The following ZFHX3 variants were observed in gnomAD, a reference collection of about 807,000 sequenced individuals.
The protein encoded by ZFHX3 is zinc finger homeobox 3, also known as zinc finger homeobox protein 3.
ZFHX3 carries 42 observed loss-of-function variants against 279.1 expected under a neutral mutation model. The ratio of observed to expected loss-of-function variants is 0.15; its 90% confidence interval spans 0.12 to 0.19. The LOEUF (loss-of-function observed/expected upper bound fraction) is 0.19, where lower values mean the gene tolerates loss of function less well. ZFHX3 is among the 10% of genes least tolerant of loss of function. The pLI, the probability that ZFHX3 is intolerant of heterozygous loss-of-function variation, is 1.00. For missense variants in ZFHX3, 4,981 were observed against 4,754.0 expected (o/e 1.05, Z -1.40); for synonymous variants, 2,293 against 1,957.8 (o/e 1.17, Z -4.52).
chr16:73,493,892 C>T (rs1003322543), intron 2 of ZFHX3, among the ~76,000 whole-genome samples: 4 of 149,892 alleles, frequency 2.7e-5, no homozygotes, highest in East Asian at 1.9e-4. Flanking sequence ...CTAGAATGCA[C>T]GATAAAAAGC....
At chr16:73,181,937 TGAG>T (rs1243086180) in intron 5 of ZFHX3, among the ~76,000 whole-genome samples, 1 of 152,092 alleles carries the variant, frequency 6.6e-6, no homozygotes, top group Non-Finnish European at 1.5e-5. Flanking sequence ...TTCTTCACAC[TGAG>T]GAGAAGTTGG....
chr16:73,210,654 C>T (rs1567419273), intron 5 of ZFHX3, among the ~76,000 whole-genome samples: 1 of 151,768 alleles, frequency 6.6e-6, no homozygotes, highest in Non-Finnish European at 1.5e-5. Flanking sequence ...TTCAGCTAAC[C>T]CTAATAACCT....
chr16:73,126,315 C>T (rs910185083), intron 7 of ZFHX3, among the ~76,000 whole-genome samples: 5 of 152,068 alleles, frequency 3.3e-5, no homozygotes, highest in South Asian at 2.1e-4. Context: ...GAGGATACTG[C>T]AGAGGTCCAA....
At position 72,959,111 on chromosome 16, in the gene ZFHX3, T is replaced by C. The variant is rs771842309; in HGVS notation, c.1035A>G (p.Lys345=). Residue 345 remains lysine, a synonymous_variant, in exon 2 of 10, where the codon AAA becomes AAG. Transcript: ENST00000268489. ...PLVSFLEPKN[K]NFQHPLVSTA... ...TGGAAACTAAAGGGTGTTGAAAGTT[T>C]TTGTTTTTTGGTTCCAGAAAACTTA... 1.2e-6 allele frequency: 2 copies of C among 1,614,236 alleles called. No homozygotes were observed. Among genetic ancestry groups the C allele is most frequent in the South Asian group, 2.2e-5 (2 of 91,082 alleles).
intron 4 of ZFHX3, among the ~76,000 whole-genome samples, chr16:72,859,060 C>T (rs1177657954): frequency 1.3e-5 from 2 of 152,262 alleles, no homozygotes; most frequent in African/African-American, 2.4e-5. Context: ...TGCCCTCTGG[C>T]TTCTGTGCCT....
In ZFHX3 at chr16:72,958,962, A is replaced by AGAC. The variant is rs748770606; in HGVS notation, c.1183_1184insGTC (p.Leu394_Leu395insCys). 1 of 1,599,028 alleles carries AGAC rather than the reference A, an allele frequency of 6.3e-7. No individual in the cohort carries two copies. The highest frequency in any genetic ancestry group is 8.5e-7 in the Non-Finnish European group (1 of 1,172,862). ...AAGGTTCAACAGGGTGCTGGGGGTC[A>AGAC]AGAGACCAGCCTGGGGCTGCTCGGG... On this transcript the variant is annotated inframe_insertion, in exon 2 of 10. Coordinates refer to ENST00000268489, the MANE Select transcript of ZFHX3 (RefSeq NM_006885.4).
intron 1 of ZFHX3, chr16:73,005,912 T>G (rs1326715068): frequency 6.6e-6 from 1 of 152,262 alleles, no homozygotes; most frequent in Non-Finnish European, 1.5e-5. Flanking sequence ...ACATTTCTAT[T>G]TGATTCCATC....
At chr16:73,814,573 T>C in intron 1 of ZFHX3, among the ~76,000 whole-genome samples, 1 of 151,878 alleles carries the variant, frequency 6.6e-6, no homozygotes, top group East Asian at 1.9e-4. Flanking sequence ...CACAACTTTT[T>C]TTTTTTTTTT....
At chr16:73,645,834 C>T (rs2142160308) in intron 2 of ZFHX3, among the ~76,000 whole-genome samples, 1 of 152,242 alleles carries the variant, frequency 6.6e-6, no homozygotes, top group Middle Eastern at 3.4e-3. Flanking sequence ...ATTTTGGTCC[C>T]ATGATTTCAT....
intron 3 of ZFHX3, among the ~76,000 whole-genome samples, chr16:72,907,670 C>T (rs1210195767): frequency 7.1e-6 from 1 of 141,666 alleles, no homozygotes; most frequent in African/African-American, 2.6e-5. Context: ...CATGCTAGAT[C>T]CTCCAAATTC....
At chr16:72,936,600 C>A (rs1387576362) in intron 3 of ZFHX3, among the ~76,000 whole-genome samples, 1 of 152,156 alleles carries the variant, frequency 6.6e-6, no homozygotes, top group African/African-American at 2.4e-5. Context: ...GGCCCTGTGG[C>A]AGGCGCCAGC....
chr16:73,252,559 C>A (rs1322913348), intron 5 of ZFHX3, among the ~76,000 whole-genome samples: 2 of 152,114 alleles, frequency 1.3e-5, no homozygotes, highest in African/African-American at 4.8e-5. Flanking sequence ...GTGAGATGCA[C>A]AGGGGCACTG....
chr16:73,151,531 T>G (rs1332463881), intron 5 of ZFHX3, among the ~76,000 whole-genome samples: 1 of 151,276 alleles, frequency 6.6e-6, no homozygotes, highest in Non-Finnish European at 1.5e-5. Flanking sequence ...TCCTGCTCGG[T>G]GGGAAAGAAT....
At chr16:72,937,957 T>C (rs1960208820) in intron 3 of ZFHX3, among the ~76,000 whole-genome samples, 1 of 152,022 alleles carries the variant, frequency 6.6e-6, no homozygotes, top group South Asian at 2.1e-4. Context: ...GACAAGAGAG[T>C]AAATGGAGAG....
chr16:73,844,391 G>A (rs140177250), intron 1 of ZFHX3, among the ~76,000 whole-genome samples: 34 of 152,236 alleles, frequency 2.2e-4, no homozygotes, highest in African/African-American at 7.9e-4. Context: ...CTGTTCTTAT[G>A]AGTGAAGATG....
intron 9 of ZFHX3, among the ~76,000 whole-genome samples, chr16:72,792,739 T>C (rs907621150): frequency 2.6e-5 from 4 of 152,188 alleles, no homozygotes; most frequent in Non-Finnish European, 2.9e-5. Context: ...CATGAACCAC[T>C]GCACCCGGCC....
intron 2 of ZFHX3, chr16:73,554,231 A>G: frequency 6.6e-6 from 1 of 152,254 alleles, no homozygotes; most frequent in Non-Finnish European, 1.5e-5. Context: ...CAAAGTAAAA[A>G]TAAAAAGATA....
intron 1 of ZFHX3, among the ~76,000 whole-genome samples, chr16:73,847,916 T>TG: frequency 6.9e-6 from 1 of 145,288 alleles, no homozygotes; most frequent in African/African-American, 2.5e-5. Context: ...TTTTTTTTTT[T>TG]TTTTTTTTTT....
At chr16:72,837,070 C>G (rs1219934549) in intron 4 of ZFHX3, among the ~76,000 whole-genome samples, 1 of 152,222 alleles carries the variant, frequency 6.6e-6, no homozygotes, top group African/African-American at 2.4e-5. Flanking sequence ...TCCTGCGGGC[C>G]TCTAGAAGCT....
Sources: allele counts gnomAD v4.1 joint callset (sites outside exome capture counted in the v4.1 genomes callset), GRCh38; gene constraint gnomAD v4.1.1; transcripts MANE v1.5; gene names NCBI Gene and HGNC (gene_info 2026-07-23, HGNC 2026-07-21).